Variants in SNCAIP observed in about 807,000 individuals in gnomAD.
SNCAIP encodes synuclein alpha interacting protein, also known as synphilin-1.
A neutral mutation model predicts 86.7 loss-of-function variants in SNCAIP; 43 were observed. The observed-to-expected ratio is 0.50, with a 90% CI of 0.39 to 0.64. The LOEUF (loss-of-function observed/expected upper bound fraction) is 0.64, where lower values mean the gene tolerates loss of function less well. SNCAIP is among the 30% of genes least tolerant of loss of function. The pLI, the probability that SNCAIP is intolerant of heterozygous loss-of-function variation, is 0.00. For synonymous variants in SNCAIP, 417 were observed against 427.2 expected (o/e 0.98, Z 0.29); for missense variants, 981 against 1,103.1 (o/e 0.89, Z 1.57).
Position 122,326,607 on chromosome 5 carries a change from T to A in SNCAIP, c.-47+14323T>A, listed in dbSNP as rs990147562. Among the ~76,000 whole-genome samples, 16 of 23,730 alleles carry A rather than the reference T, an allele frequency of 6.7e-4. No individual in the cohort carries two copies. The African/African-American group carries it at 7.8e-3, about 12-fold the overall frequency. The allele number at this position is 23,730 out of a possible 152,430, so 15.6% of individuals were successfully genotyped here. Reference sequence around the variant, plus strand: ...GAAAGGGAACTTCAGAAATGTCTCCTTTTTTTTTTTTTTTTTTTTTTTTTT... The same window carrying A: ...GAAAGGGAACTTCAGAAATGTCTCCATTTTTTTTTTTTTTTTTTTTTTTTT... On this transcript the variant is annotated intron_variant, in intron 1 of 10. Transcript: ENST00000261368.
chr5:122,421,889 T>C (rs1393516469), intron 3 of SNCAIP, among the ~76,000 whole-genome samples: 2 of 152,034 alleles, frequency 1.3e-5, no homozygotes, highest in African/African-American at 4.8e-5. Flanking sequence ...CCAGGAGAGA[T>C]GGCTCTTATC....
chr5:122,345,625 G>T (rs763406844), intron 1 of SNCAIP, among the ~76,000 whole-genome samples: 4 of 152,048 alleles, frequency 2.6e-5, no homozygotes, highest in Non-Finnish European at 4.4e-5. Context: ...TCCGTTTATG[G>T]TATAATATGG....
At chr5:122,454,913 C>G (rs1034729178) in intron 10 of SNCAIP, among the ~76,000 whole-genome samples, 3 of 152,158 alleles carry the variant, frequency 2.0e-5, no homozygotes, top group African/African-American at 7.2e-5. Flanking sequence ...AATCAGAGCA[C>G]AAAATGAGGT....
chr5:122,318,065 T>C lies in SNCAIP; in HGVS notation c.-47+5781T>C, dbSNP rs139621044. ...ACCTTGTCATAGTCCTGGAGAAAAG[T>C]ACAGGCTCCTACCATGAATTCCAAG... On this transcript the variant is annotated intron_variant, in intron 1 of 10. Coordinates refer to ENST00000261368, the MANE Select transcript of SNCAIP (RefSeq NM_005460.4). 1.4e-4 allele frequency among the ~76,000 whole-genome samples: 21 copies of C among 152,204 alleles called. No homozygotes were observed. The East Asian group carries it at 3.9e-3, about 28-fold the overall frequency.
intron 1 of SNCAIP, among the ~76,000 whole-genome samples, chr5:122,346,070 C>T (rs1484979384): frequency 6.6e-6 from 1 of 152,082 alleles, no homozygotes; most frequent in African/African-American, 2.4e-5. Context: ...TCTGGTAGAA[C>T]ATTTTGTTCA....
intron 1 of SNCAIP, among the ~76,000 whole-genome samples, chr5:122,352,597 T>C (rs1760092147): frequency 6.6e-6 from 1 of 152,214 alleles, no homozygotes; most frequent in South Asian, 2.1e-4. Context: ...ATTCAACAAA[T>C]GTCTATTTTT....
At chr5:122,322,472 A>T (rs964952441) in intron 1 of SNCAIP, among the ~76,000 whole-genome samples, 4 of 152,234 alleles carry the variant, frequency 2.6e-5, no homozygotes, top group African/African-American at 9.6e-5. Flanking sequence ...CGGTTACCTC[A>T]GGCCCACTTA....
Position 122,391,095 on chromosome 5 carries a change from ATAAGT to A in SNCAIP, c.-39_-35del, listed in dbSNP as rs1271608895. The A allele has an allele frequency of 3.3e-6, 5 of 1,535,116 alleles. No individual in the cohort carries two copies. Among genetic ancestry groups the A allele is most frequent in the Non-Finnish European group, 4.5e-6 (5 of 1,108,058 alleles). ...CTGCTTCTGTCTCGTTCAGGAATTT[ATAAGT>A]ATTTGACCGTACTCAAAATGTGCAA... On this transcript the variant is annotated 5_prime_UTR_variant, in exon 2 of 11. Transcript: ENST00000261368.
chr5:122,336,540 G>A (rs1294982894), intron 1 of SNCAIP, among the ~76,000 whole-genome samples: 2 of 152,200 alleles, frequency 1.3e-5, no homozygotes, highest in African/African-American at 4.8e-5. Flanking sequence ...TTTAAGCTAA[G>A]TGTTTATCTC....
chr5:122,455,454 C>T (rs1784554041), intron 10 of SNCAIP, among the ~76,000 whole-genome samples: 1 of 152,164 alleles, frequency 6.6e-6, no homozygotes, highest in Non-Finnish European at 1.5e-5. Flanking sequence ...AATCTTGGCC[C>T]CAAAATTTGC....
intron 5 of SNCAIP, among the ~76,000 whole-genome samples, chr5:122,429,659 T>G (rs912210185): frequency 3.9e-5 from 6 of 152,156 alleles, no homozygotes; most frequent in Admixed American, 1.3e-4. Context: ...TTTTTAATCC[T>G]GGTAGGAAAC....
intron 3 of SNCAIP, among the ~76,000 whole-genome samples, chr5:122,417,541 A>C (rs1461302809): frequency 6.6e-6 from 1 of 152,236 alleles, no homozygotes; most frequent in Non-Finnish European, 1.5e-5. Context: ...TATCTTTGAA[A>C]GTATTTGGCA....
At chr5:122,408,883 C>T (rs1773553320) in intron 3 of SNCAIP, among the ~76,000 whole-genome samples, 1 of 152,156 alleles carries the variant, frequency 6.6e-6, no homozygotes, top group African/African-American at 2.4e-5. Flanking sequence ...ATTACTGTGC[C>T]TATTTTATTG....
chr5:122,370,798 CT>C (rs900645953), intron 1 of SNCAIP, among the ~76,000 whole-genome samples: 2 of 152,044 alleles, frequency 1.3e-5, no homozygotes, highest in Admixed American at 6.6e-5. Flanking sequence ...TTCATGTAAG[CT>C]TTTTTTGGTT....
intron 1 of SNCAIP, among the ~76,000 whole-genome samples, chr5:122,337,585 C>T (rs1756748118): frequency 6.6e-6 from 1 of 152,174 alleles, no homozygotes; most frequent in Admixed American, 6.5e-5. Flanking sequence ...GTCACCCAGG[C>T]TGGAGTGCAG....
At chr5:122,431,925 G>A (rs751145261) in intron 5 of SNCAIP, 44 bp from the exon 6 acceptor site, 9 of 943,522 alleles carry the variant, frequency 9.5e-6, no homozygotes, top group Non-Finnish European at 1.4e-5. Flanking sequence ...TTTCAAACCT[G>A]AGTTACCTTG....
intron 6 of SNCAIP, among the ~76,000 whole-genome samples, chr5:122,435,455 C>T (rs1381737320): frequency 1.3e-5 from 2 of 152,152 alleles, no homozygotes. Context: ...GCCTGCTCTG[C>T]GCTGGTTATT....
At position 122,450,629 on chromosome 5, in the gene SNCAIP, G is replaced by A; in HGVS notation, c.1782G>A (p.Gly594=). 1 of 1,613,690 alleles carries A rather than the reference G, an allele frequency of 6.2e-7. No homozygotes were observed. The highest frequency in any genetic ancestry group is 1.3e-5 in the African/African-American group (1 of 75,022). ...VAKSKPGVQE[G]IQVLGSLSAS... is the part of the protein sequence containing the mutation. ...AAAGCAAGCCAGGAGTCCAAGAGGG[G>A]ATTCAGGTTCTTGGAAGCCTGTCAG... The change falls in exon 10 of 11, where the codon GGG becomes GGA. Residue 594 remains glycine, a synonymous_variant. Coordinates refer to ENST00000261368, the MANE Select transcript of SNCAIP (RefSeq NM_005460.4).
chr5:122,437,320 A>G (rs1032635611), intron 6 of SNCAIP: 1 of 152,202 alleles, frequency 6.6e-6, no homozygotes, highest in African/African-American at 2.4e-5. Flanking sequence ...TGGTCCCCAG[A>G]ATCAGGGCAG....
Sources: gnomAD v4.1 joint callset for allele counts (sites outside exome capture counted in the v4.1 genomes callset) on GRCh38, gnomAD v4.1.1 for gene constraint, MANE v1.5 for transcripts, NCBI Gene and HGNC (gene_info 2026-07-23, HGNC 2026-07-21) for gene names.